The following CCDC144A variants were observed in gnomAD, a reference collection of about 807,000 sequenced individuals.
The protein encoded by CCDC144A is coiled-coil domain containing 144A.
A neutral mutation model predicts 143.8 loss-of-function variants in CCDC144A; 41 were observed. The ratio of observed to expected loss-of-function variants is 0.29; its 90% CI spans 0.22 to 0.37. CCDC144A has a LOEUF of 0.37. CCDC144A is among the 10% of genes least tolerant of loss of function. The pLI is 1.00. For synonymous variants in CCDC144A, 242 were observed against 517.9 expected, an observed-to-expected ratio of 0.47 and a Z score of 7.23; for missense variants, 637 against 1,488.8, an observed-to-expected ratio of 0.43 and a Z score of 9.41.
intron 12 of CCDC144A, chr17:16,746,762 T>G: frequency 1.9e-6 from 3 of 1,605,302 alleles, no homozygotes; most frequent in Non-Finnish European, 2.6e-6. Flanking sequence ...GATGACCACC[T>G]GCGGGGAGCG....
At chr17:16,683,651 A>T in the CCDC144A span, 1 of 1,610,178 alleles carries the variant, frequency 6.2e-7, no homozygotes, top group Non-Finnish European at 8.5e-7. Flanking sequence ...TTGTCAGGAA[A>T]TCTGCAAGCC....
In CCDC144A at chr17:16,709,552, A is replaced by T. The variant is rs1422309546; in HGVS notation, c.1495A>T (p.Met499Leu). 3.1e-6 allele frequency: 5 copies of T among 1,611,636 alleles called. No homozygotes were observed. Among genetic ancestry groups the T allele is most frequent in the Non-Finnish European group, 3.4e-6 (4 of 1,179,626 alleles). Residue 499 changes from methionine (M) to leucine (L), a missense_variant, in exon 5 of 17, where the codon ATG becomes TTG. Met to Leu is a conservative substitution (Grantham distance 15). Transcript: ENST00000399273. ...VYLHEELQQD[M>L]QKFKNEVNTL... Reference sequence around the variant, plus strand: ...TCTACATGAAGAATTACAGCAAGACATGCAAAAGTTTAAGAATGAGGTCAA... The same window carrying T: ...TCTACATGAAGAATTACAGCAAGACTTGCAAAAGTTTAAGAATGAGGTCAA...
the CCDC144A span, among the ~76,000 whole-genome samples, chr17:16,682,629 A>T: frequency 6.6e-6 from 1 of 152,076 alleles, no homozygotes; most frequent in African/African-American, 2.4e-5. Flanking sequence ...GGGTAATTAT[A>T]AAAAATGTCA....
intron 1 of CCDC144A, among the ~76,000 whole-genome samples, chr17:16,692,433 C>T (rs1015707654): frequency 1.1e-4 from 13 of 116,052 alleles, no homozygotes; most frequent in Admixed American, 1.9e-4. Context: ...ACTAATAAAA[C>T]TAGAACTTAA....
the CCDC144A span, among the ~76,000 whole-genome samples, chr17:16,678,726 A>C: frequency 7.2e-6 from 1 of 138,578 alleles, no homozygotes; most frequent in Non-Finnish European, 1.5e-5. Context: ...GACTATAGGC[A>C]TGTGCCACCA....
At chr17:16,770,324 T>C (rs1159490689) in intron 15 of CCDC144A, among the ~76,000 whole-genome samples, 1 of 152,160 alleles carries the variant, frequency 6.6e-6, no homozygotes, top group East Asian at 1.9e-4. Flanking sequence ...TAATTTTGTG[T>C]ATTTTTAGTA....
chr17:16,755,746 A>T (rs1442014914), intron 12 of CCDC144A, among the ~76,000 whole-genome samples: 1 of 152,214 alleles, frequency 6.6e-6, no homozygotes, highest in Admixed American at 6.5e-5. Context: ...TTTTTAGTAG[A>T]GACAGGGTTT....
chr17:16,698,695 GACAACA>G (rs1038101741), intron 2 of CCDC144A, among the ~76,000 whole-genome samples: 3 of 152,094 alleles, frequency 2.0e-5, no homozygotes, highest in African/African-American at 7.3e-5. Context: ...ACAAACATCT[GACAACA>G]ACAACTGGAA....
In CCDC144A at chr17:16,709,337, C is replaced by A; in HGVS notation, c.1280C>A (p.Thr427Asn). ...TDKNFHNDAS[T>N]KKARNPEVVM... ...AAGAACTTTCATAATGATGCAAGCA[C>A]TAAGAAAGCAAGGAACCCAGAAGTG... The change falls in exon 5 of 17, where the codon ACT becomes AAT. Residue 427 changes from threonine to asparagine, a missense_variant. Physicochemically the swap from Thr to Asn is moderately conservative, Grantham distance 65. Transcript: ENST00000399273. 6.2e-7 allele frequency: 1 copy of A among 1,611,424 alleles called. No individual in the cohort carries two copies. The highest frequency in any genetic ancestry group is 8.5e-7 in the Non-Finnish European group (1 of 1,179,562).
At chr17:16,772,690 C>G (rs761193752) in intron 16 of CCDC144A, 1 of 1,612,296 alleles carries the variant, frequency 6.2e-7, no homozygotes, top group African/African-American at 1.3e-5. Flanking sequence ...ATCTGCCAAC[C>G]TTTTTTTCTC....
At chr17:16,674,362 A>G in the CCDC144A span, among the ~76,000 whole-genome samples, 1 of 152,160 alleles carries the variant, frequency 6.6e-6, no homozygotes, top group South Asian at 2.1e-4. Context: ...TGCAGAAGGT[A>G]AAGTGTCGAG....
chr17:16,747,517 T>C (rs193024888), intron 12 of CCDC144A, among the ~76,000 whole-genome samples: 1 of 152,364 alleles, frequency 6.6e-6, no homozygotes, highest in East Asian at 1.9e-4. Flanking sequence ...AGTATGGCCA[T>C]TTTAATGCTA....
At chr17:16,687,606 C>T (rs2142734462), upstream of CCDC144A, among the ~76,000 whole-genome samples, 1 of 152,240 alleles carries the variant, frequency 6.6e-6, no homozygotes, top group East Asian at 1.9e-4. Flanking sequence ...ACGGAGACTC[C>T]CTTAGTCTCC....
chr17:16,708,469 A>G (rs1289537346), intron 4 of CCDC144A, among the ~76,000 whole-genome samples: 2 of 152,158 alleles, frequency 1.3e-5, no homozygotes, highest in African/African-American at 4.8e-5. Context: ...TCGTCTGCTA[A>G]TTCATTTTTG....
chr17:16,753,428 GTTTTTTTTTTTTTTT>G, intron 12 of CCDC144A, among the ~76,000 whole-genome samples: 9 of 57,368 alleles, frequency 1.6e-4, no homozygotes, highest in Admixed American at 4.0e-4. Flanking sequence ...GTGTTTTGTA[GTTTTTTTTTTTTTTT>G]TTTTTTTTTT....
At chr17:16,749,489 G>A (rs536100223) in intron 12 of CCDC144A, among the ~76,000 whole-genome samples, 43 of 152,288 alleles carry the variant, frequency 2.8e-4, no homozygotes, top group African/African-American at 1.0e-3. Context: ...AATTTATCAT[G>A]ACTTGCTTTA....
Position 16,696,866 on chromosome 17 carries a change from T to C in CCDC144A, c.415+3817T>C, listed in dbSNP as rs565217237. On this transcript the variant is annotated intron_variant, in intron 2 of 16. Coordinates refer to ENST00000399273, the MANE Select transcript of CCDC144A (RefSeq NM_001382000.1). ...TAATTAGCAACAGCTCCAAACATCATGGTCTCACCGACAATATCTGAAGGC... is the reference window on the plus strand; with the variant it reads ...TAATTAGCAACAGCTCCAAACATCACGGTCTCACCGACAATATCTGAAGGC... Among the ~76,000 whole-genome samples the C allele has an allele frequency of 2.5e-3, 380 of 151,800 alleles. 3 individuals carry two copies. The highest frequency in any genetic ancestry group is 1.8e-3 in the Non-Finnish European group (120 of 67,962).
chr17:16,672,522 A>C, the CCDC144A span, among the ~76,000 whole-genome samples: 176 of 152,268 alleles, frequency 1.2e-3, 2 homozygotes, highest in Non-Finnish European at 1.7e-3. Flanking sequence ...TTTGCCTAAA[A>C]TAAATTCCTA....
intron 2 of CCDC144A, among the ~76,000 whole-genome samples, chr17:16,703,679 C>A (rs1026638662): frequency 1.3e-5 from 2 of 151,820 alleles, no homozygotes; most frequent in Non-Finnish European, 2.9e-5. Flanking sequence ...TGGAGGGCAC[C>A]GGTAGTCCCA....
Sources: gnomAD v4.1 joint callset for allele counts (sites outside exome capture counted in the v4.1 genomes callset) on GRCh38, gnomAD v4.1.1 for gene constraint, MANE v1.5 for transcripts, NCBI Gene and HGNC (gene_info 2026-07-23, HGNC 2026-07-21) for gene names.